CAB39: variants seen among roughly 807,000 people sequenced by gnomAD.
CAB39 encodes the protein calcium binding protein 39.
CAB39 carries 8 observed loss-of-function variants against 40.0 expected under a neutral mutation model. That is an observed-to-expected ratio of 0.20 (90% confidence interval 0.12 to 0.36). The LOEUF (loss-of-function observed/expected upper bound fraction) is 0.36. Ranked by LOEUF, CAB39 falls within the 10% of genes least tolerant of loss-of-function variation. CAB39 has a pLI of 1.00. For missense variants in CAB39, 270 were observed against 401.1 expected, an observed-to-expected ratio of 0.67 and a Z score of 2.79; for synonymous variants, 156 against 141.6, an observed-to-expected ratio of 1.10 and a Z score of -0.72.
intron 2 of CAB39, among the ~76,000 whole-genome samples, chr2:230,787,072 G>A (rs191906317): frequency 6.6e-6 from 1 of 152,318 alleles, no homozygotes; most frequent in East Asian, 1.9e-4. Context: ...GTCATAGTCA[G>A]TAGATATTAG....
intron 1 of CAB39, among the ~76,000 whole-genome samples, chr2:230,738,118 G>T (rs546184553): frequency 6.6e-6 from 1 of 152,220 alleles, no homozygotes; most frequent in South Asian, 2.1e-4. Flanking sequence ...TCTACACAAC[G>T]CAGTTCAAGA....
intron 2 of CAB39, among the ~76,000 whole-genome samples, chr2:230,762,926 A>G (rs746052059): frequency 5.3e-5 from 8 of 152,226 alleles, no homozygotes; most frequent in South Asian, 4.1e-4. Context: ...TGATGTGATG[A>G]TAGAGCACAT....
At chr2:230,780,769 A>G (rs116561159) in intron 2 of CAB39, among the ~76,000 whole-genome samples, 192 of 152,116 alleles carry the variant, frequency 1.3e-3, no homozygotes, top group African/African-American at 4.5e-3. Context: ...GAAAATTACT[A>G]TTTTTCCTTT....
chr2:230,751,489 G>A (rs1193676923), intron 1 of CAB39, among the ~76,000 whole-genome samples: 2 of 152,154 alleles, frequency 1.3e-5, no homozygotes, highest in Non-Finnish European at 2.9e-5. Context: ...GTTCTTTTCA[G>A]TATTTGTCAA....
At chr2:230,717,161 CA>C (rs535580294) in intron 1 of CAB39, among the ~76,000 whole-genome samples, 36 of 152,166 alleles carry the variant, frequency 2.4e-4, no homozygotes, top group South Asian at 8.3e-4. Context: ...AACTGGTAAA[CA>C]TTTTTTTTTA....
intron 1 of CAB39, among the ~76,000 whole-genome samples, chr2:230,745,366 G>A (rs1341193509): frequency 2.0e-5 from 3 of 152,206 alleles, no homozygotes; most frequent in Admixed American, 2.0e-4. Context: ...TGAGAAAAAT[G>A]TAGACATGTG....
chr2:230,790,839 T>C, intron 2 of CAB39, 33 bp from the exon 3 acceptor site: 1 of 1,564,438 alleles, frequency 6.4e-7, no homozygotes, highest in Non-Finnish European at 8.7e-7. Flanking sequence ...AATTGTTTTT[T>C]CTCCTCTTCC....
intron 1 of CAB39, among the ~76,000 whole-genome samples, chr2:230,714,903 C>G (rs994802447): frequency 6.6e-6 from 1 of 152,164 alleles, no homozygotes; most frequent in South Asian, 2.1e-4. Flanking sequence ...GCGTGTATGA[C>G]AAGTGAATGC....
At chr2:230,797,001 G>GTT in intron 4 of CAB39, among the ~76,000 whole-genome samples, 1 of 152,298 alleles carries the variant, frequency 6.6e-6, no homozygotes, top group Middle Eastern at 3.4e-3. Context: ...AAGTCCAGAA[G>GTT]TTTGTCTTTA....
At position 230,716,805 on chromosome 2, in the gene CAB39, C is replaced by T. The variant is rs11903856; in HGVS notation, c.-44+3575C>T. On this transcript the variant is annotated intron_variant, in intron 1 of 8. Transcript: ENST00000258418. The stretch of plus-strand genomic sequence containing the variant: ...TTGCTTGAGCCCAAGAGTTGGAGGC[C>T]GATCTGAGCAACATAGCAAGACCCT... Among the ~76,000 whole-genome samples the T allele has an allele frequency of 4.8e-3, 738 of 152,226 alleles. 3 individuals carry two copies. Among genetic ancestry groups the T allele is most frequent in the African/African-American group, 0.017 (690 of 41,520 alleles).
intron 1 of CAB39, among the ~76,000 whole-genome samples, chr2:230,745,280 C>CT (rs1694952288): frequency 6.6e-6 from 1 of 152,160 alleles, no homozygotes; most frequent in Non-Finnish European, 1.5e-5. Context: ...AATGGTCTAC[C>CT]TTTACCCTTG....
intron 1 of CAB39, among the ~76,000 whole-genome samples, chr2:230,754,420 T>TCCCTACTTCTTCCCCTTC (rs1695150865): frequency 1.0e-5 from 1 of 97,242 alleles, no homozygotes; most frequent in Admixed American, 9.9e-5. Flanking sequence ...TCTTCCCCTT[T>TCCCTACTTCTTCCCCTTC]CCCTCCTTCT....
intron 3 of CAB39, 109 bp from the exon 4 acceptor site, chr2:230,793,104 T>C (rs892335401): frequency 4.8e-6 from 3 of 626,994 alleles, no homozygotes; most frequent in African/African-American, 3.7e-5. Context: ...AAGTCAGATA[T>C]TCAGTCATAA....
chr2:230,713,911 A>G (rs1382397006), intron 1 of CAB39: 2 of 152,330 alleles, frequency 1.3e-5, no homozygotes, highest in Non-Finnish European at 2.9e-5. Flanking sequence ...AAGTCCTGTG[A>G]AAGAACGACG....
chr2:230,728,913 C>T (rs1403827799), intron 1 of CAB39, among the ~76,000 whole-genome samples: 1 of 152,160 alleles, frequency 6.6e-6, no homozygotes, highest in African/African-American at 2.4e-5. Flanking sequence ...GCACCCGGCC[C>T]CAGATGCACA....
At chr2:230,757,194 T>C (rs775516756) in intron 1 of CAB39, among the ~76,000 whole-genome samples, 1 of 152,106 alleles carries the variant, frequency 6.6e-6, no homozygotes, top group East Asian at 1.9e-4. Context: ...TAGGCTCAAG[T>C]GATGCTCCAG....
chr2:230,802,721 C>T (rs749939688), intron 5 of CAB39, among the ~76,000 whole-genome samples: 2 of 152,112 alleles, frequency 1.3e-5, no homozygotes, highest in African/African-American at 4.8e-5. Flanking sequence ...GAAGTTGAAT[C>T]GCTGAATAGA....
At chr2:230,808,111 A>C (rs962511620) in intron 5 of CAB39, among the ~76,000 whole-genome samples, 2 of 146,768 alleles carry the variant, frequency 1.4e-5, no homozygotes, top group African/African-American at 5.1e-5. Context: ...TTTGAGGTGA[A>C]GTTTCACTAT....
intron 1 of CAB39, among the ~76,000 whole-genome samples, chr2:230,744,078 C>T (rs1041190924): frequency 6.6e-6 from 1 of 151,838 alleles, no homozygotes; most frequent in East Asian, 1.9e-4. Context: ...TGCCACCATG[C>T]GCGGCTAATT....
Sources: allele counts gnomAD v4.1 joint callset (sites outside exome capture counted in the v4.1 genomes callset), GRCh38; gene constraint gnomAD v4.1.1; transcripts MANE v1.5; gene names NCBI Gene and HGNC (gene_info 2026-07-23, HGNC 2026-07-21).